The following ELMOD1 variants were observed in gnomAD, a reference collection of about 807,000 sequenced individuals.
ELMOD1 encodes the protein ELMO domain-containing protein 1.
In ELMOD1, 21 loss-of-function variants were observed where a neutral mutation model predicts 46.7. That is an observed-to-expected ratio of 0.45 (90% CI 0.32 to 0.65). The LOEUF (loss-of-function observed/expected upper bound fraction) is 0.65, where lower values mean the gene tolerates loss of function less well. Ranked by LOEUF, ELMOD1 falls within the 30% of genes least tolerant of loss-of-function variation. The pLI is 0.04. For synonymous variants in ELMOD1, 122 were observed against 138.2 expected (o/e 0.88, Z 0.82); for missense variants, 348 against 407.8 (o/e 0.85, Z 1.26).
In ELMOD1 at chr11:107,631,622, A is replaced by G. The variant is rs1157570358; in HGVS notation, c.235A>G (p.Lys79Glu). Reference protein sequence around the residue: ...SVSVHPDAIEKTIEDIMELKK... With the variant: ...SVSVHPDAIEETIEDIMELKK... ...GAGTGTTCACCCCGACGCTATTGAA[A>G]AAACTATAGAAGATATCATGGAACT... The change falls in exon 5 of 12, where the codon AAA (lysine) becomes GAA (glutamate). Residue 79 changes from lysine to glutamate, a missense_variant. Transcript: ENST00000265840. 11 of 1,566,048 alleles carry G rather than the reference A, an allele frequency of 7.0e-6. No homozygotes were observed. Among genetic ancestry groups the G allele is most frequent in the Non-Finnish European group, 8.7e-6 (10 of 1,154,390 alleles).
intron 6 of ELMOD1, among the ~76,000 whole-genome samples, chr11:107,636,627 A>G (rs760694802): frequency 5.3e-5 from 8 of 152,240 alleles, no homozygotes; most frequent in Non-Finnish European, 1.2e-4. Context: ...CAGAAGGCGT[A>G]ATTTCAAAAA....
At chr11:107,599,194 A>G (rs1176743074) in intron 1 of ELMOD1, among the ~76,000 whole-genome samples, 2 of 152,168 alleles carry the variant, frequency 1.3e-5, no homozygotes, top group African/African-American at 2.4e-5. Context: ...GATTTAGTAC[A>G]GAGATGAAGT....
At chr11:107,646,835 A>T (rs1288361051) in intron 6 of ELMOD1, among the ~76,000 whole-genome samples, 1 of 151,878 alleles carries the variant, frequency 6.6e-6, no homozygotes, top group Middle Eastern at 3.2e-3. Context: ...ATTTTCCCAG[A>T]ATCTGAATAA....
intron 6 of ELMOD1, among the ~76,000 whole-genome samples, chr11:107,641,370 G>A (rs1341812075): frequency 6.6e-6 from 1 of 151,986 alleles, no homozygotes; most frequent in African/African-American, 2.4e-5. Context: ...TTAATAACTT[G>A]TTTTCTAAGT....
intron 1 of ELMOD1, chr11:107,592,565 C>G (rs1865421738): frequency 6.3e-6 from 2 of 319,054 alleles, no homozygotes; most frequent in Non-Finnish European, 1.4e-5. Flanking sequence ...CACGTAGTTA[C>G]AGCAGACTTA....
intron 5 of ELMOD1, among the ~76,000 whole-genome samples, chr11:107,634,846 C>T (rs1409347928): frequency 6.6e-6 from 1 of 152,132 alleles, no homozygotes; most frequent in Non-Finnish European, 1.5e-5. Flanking sequence ...AGAAGACTCG[C>T]TATCTTAAAT....
chr11:107,620,857 C>T (rs139479197), intron 2 of ELMOD1, among the ~76,000 whole-genome samples: 4,462 of 151,886 alleles, frequency 0.029, 217 homozygotes, highest in East Asian at 0.19. Flanking sequence ...AGCGAGACTC[C>T]GTCTCAAAAA....
At chr11:107,617,115 C>T (rs1591111157) in intron 1 of ELMOD1, among the ~76,000 whole-genome samples, 1 of 152,210 alleles carries the variant, frequency 6.6e-6, no homozygotes, top group Non-Finnish European at 1.5e-5. Context: ...ATCCTAAACC[C>T]CACCTCTCTT....
intron 6 of ELMOD1, among the ~76,000 whole-genome samples, chr11:107,641,484 T>A (rs910582772): frequency 6.6e-6 from 1 of 152,128 alleles, no homozygotes; most frequent in Admixed American, 6.6e-5. Flanking sequence ...CTGTAAGCAA[T>A]TAATACAAAT....
chr11:107,603,531 C>A (rs966415321), intron 1 of ELMOD1, among the ~76,000 whole-genome samples: 2 of 151,722 alleles, frequency 1.3e-5, no homozygotes, highest in South Asian at 4.2e-4. Flanking sequence ...AGAGCGAGAC[C>A]CTGTATTTAA....
chr11:107,626,660 C>CTTTCCCTCTCTCTTTCTTTCTT (rs148641048), intron 2 of ELMOD1, among the ~76,000 whole-genome samples: 70,320 of 123,328 alleles, frequency 0.57, 19,285 homozygotes, highest in Middle Eastern at 0.64. Flanking sequence ...CTTTCTTTTT[C>CTTTCCCTCTCTCTTTCTTTCTT]TTTCTTTCTT....
chr11:107,655,054 C>T (rs1302939642), intron 10 of ELMOD1, among the ~76,000 whole-genome samples: 2 of 152,024 alleles, frequency 1.3e-5, no homozygotes, highest in South Asian at 2.1e-4. Flanking sequence ...AAAGTAATTA[C>T]AATTTATTAT....
chr11:107,603,218 G>A (rs577463081), intron 1 of ELMOD1, among the ~76,000 whole-genome samples: 39 of 152,290 alleles, frequency 2.6e-4, no homozygotes, highest in African/African-American at 7.9e-4. Flanking sequence ...TGGAGAAGGA[G>A]ACATAGGTCC....
intron 11 of ELMOD1, among the ~76,000 whole-genome samples, chr11:107,663,164 G>A (rs1030987247): frequency 1.8e-4 from 28 of 152,148 alleles, no homozygotes; most frequent in African/African-American, 5.1e-4. Context: ...GATGGCTTCT[G>A]GGGTGACTGA....
intron 1 of ELMOD1, among the ~76,000 whole-genome samples, chr11:107,593,922 A>G (rs974392969): frequency 1.3e-4 from 20 of 152,200 alleles, no homozygotes; most frequent in Non-Finnish European, 2.6e-4. Flanking sequence ...AATCTGGGAC[A>G]AGCTCAGTTC....
chr11:107,600,057 T>A (rs981101596), intron 1 of ELMOD1, among the ~76,000 whole-genome samples: 6 of 152,252 alleles, frequency 3.9e-5, no homozygotes, highest in African/African-American at 7.2e-5. Flanking sequence ...CCTTTTTTTT[T>A]AAATTTCATA....
chr11:107,647,900 T>A (rs1866460367), intron 7 of ELMOD1, among the ~76,000 whole-genome samples: 1 of 152,222 alleles, frequency 6.6e-6, no homozygotes, highest in Admixed American at 6.5e-5. Context: ...CACCCTTGTA[T>A]TGATCATCCA....
chr11:107,648,354 C>T (rs1434808256), intron 7 of ELMOD1, among the ~76,000 whole-genome samples: 1 of 152,180 alleles, frequency 6.6e-6, no homozygotes, highest in Non-Finnish European at 1.5e-5. Flanking sequence ...TGTCTGTTTG[C>T]ACTTGTATCC....
chr11:107,598,333 G>A (rs573675950), intron 1 of ELMOD1, among the ~76,000 whole-genome samples: 247 of 152,240 alleles, frequency 1.6e-3, no homozygotes, highest in Middle Eastern at 0.01. Context: ...AGGCAAAAGC[G>A]GGTGAATTCT....
Sources: gnomAD v4.1 joint callset for allele counts (sites outside exome capture counted in the v4.1 genomes callset) on GRCh38, gnomAD v4.1.1 for gene constraint, MANE v1.5 for transcripts, NCBI Gene and HGNC (gene_info 2026-07-23, HGNC 2026-07-21) for gene names.